Variants in CSMD1 observed in about 807,000 individuals in gnomAD.
CSMD1 encodes the protein CUB and Sushi multiple domains 1, also known as CUB and sushi domain-containing protein 1.
Under a neutral mutation model 417.5 loss-of-function variants are expected in CSMD1, and 213 were observed. That is an observed-to-expected ratio of 0.51 (90% CI 0.46 to 0.57). CSMD1 has a LOEUF of 0.57. Ranked by LOEUF, CSMD1 falls within the 20% of genes least tolerant of loss-of-function variation. CSMD1 has a pLI of 0.00. For synonymous variants in CSMD1, 2,862 were observed against 1,736.8 expected (o/e 1.65, Z -16.11); for missense variants, 6,923 against 4,529.7 (o/e 1.53, Z -15.17).
At chr8:4,026,223 CTG>C (rs1453322362) in intron 4 of CSMD1, among the ~76,000 whole-genome samples, 1 of 152,142 alleles carries the variant, frequency 6.6e-6, no homozygotes, top group African/African-American at 2.4e-5. Context: ...CCATGAGAAA[CTG>C]TGCTGCATCA....
At chr8:4,028,098 A>T (rs565982289) in intron 4 of CSMD1, among the ~76,000 whole-genome samples, 1 of 152,206 alleles carries the variant, frequency 6.6e-6, no homozygotes, top group African/African-American at 2.4e-5. Flanking sequence ...TAATAAGAAA[A>T]AAATGAAAAT....
chr8:4,857,875 A>T (rs959350753), intron 1 of CSMD1, among the ~76,000 whole-genome samples: 10 of 151,824 alleles, frequency 6.6e-5, no homozygotes, highest in Admixed American at 2.0e-4. Context: ...AACTATTCCA[A>T]TCAATAGAAA....
intron 5 of CSMD1, among the ~76,000 whole-genome samples, chr8:3,845,497 C>T (rs1456928807): frequency 6.6e-6 from 1 of 152,190 alleles, no homozygotes; most frequent in Non-Finnish European, 1.5e-5. Flanking sequence ...AATGCTACAC[C>T]TGTACAGGGT....
At chr8:4,825,583 G>T (rs969667912) in intron 1 of CSMD1, among the ~76,000 whole-genome samples, 4 of 107,926 alleles carry the variant, frequency 3.7e-5, no homozygotes, top group African/African-American at 1.4e-4. Context: ...CATACAAGTG[G>T]GATCAAAAAG....
At chr8:3,892,838 G>A (rs963582743) in intron 5 of CSMD1, among the ~76,000 whole-genome samples, 2 of 150,670 alleles carry the variant, frequency 1.3e-5, no homozygotes, top group African/African-American at 2.4e-5. Flanking sequence ...TGCAGGTTCT[G>A]AGAATGTGTT....
At chr8:4,071,670 T>C (rs1178651276) in intron 3 of CSMD1, among the ~76,000 whole-genome samples, 1 of 152,214 alleles carries the variant, frequency 6.6e-6, no homozygotes, top group Non-Finnish European at 1.5e-5. Flanking sequence ...AGTTGTTGTT[T>C]CTGGAATTGT....
intron 49 of CSMD1, 90 bp from the exon 50 acceptor site, chr8:3,052,737 A>T: frequency 3.4e-5 from 29 of 857,676 alleles, no homozygotes; most frequent in South Asian, 1.7e-4. Context: ...ATTATTATTG[A>T]CTCCATTTTT....
At chr8:4,142,223 T>G (rs1803833757) in intron 3 of CSMD1, among the ~76,000 whole-genome samples, 1 of 151,202 alleles carries the variant, frequency 6.6e-6, no homozygotes, top group Non-Finnish European at 1.5e-5. Context: ...TTTAGCCAAA[T>G]TATAGTGATA....
At chr8:3,733,047 C>T (rs1796345008) in intron 6 of CSMD1, among the ~76,000 whole-genome samples, 1 of 151,938 alleles carries the variant, frequency 6.6e-6, no homozygotes. Flanking sequence ...AATATGTCAG[C>T]CGAAGTAAAT....
At chr8:3,828,796 C>A (rs908736613) in intron 5 of CSMD1, among the ~76,000 whole-genome samples, 9 of 152,120 alleles carry the variant, frequency 5.9e-5, no homozygotes, top group African/African-American at 9.7e-5. Context: ...CCTTCCACTG[C>A]ACCTCAAGTT....
At chr8:4,148,400 G>T (rs766974291) in intron 3 of CSMD1, among the ~76,000 whole-genome samples, 1 of 151,492 alleles carries the variant, frequency 6.6e-6, no homozygotes, top group Non-Finnish European at 1.5e-5. Context: ...AATAGCATTA[G>T]GAGATATACC....
intron 3 of CSMD1, among the ~76,000 whole-genome samples, chr8:4,184,277 T>A (rs1411068749): frequency 6.6e-6 from 1 of 152,200 alleles, no homozygotes; most frequent in Non-Finnish European, 1.5e-5. Context: ...TCATTTATAA[T>A]CTAACGCTAT....
intron 5 of CSMD1, among the ~76,000 whole-genome samples, chr8:3,763,471 G>C (rs879574796): frequency 6.6e-6 from 1 of 151,950 alleles, no homozygotes; most frequent in African/African-American, 2.4e-5. Flanking sequence ...CCTCTCCTTT[G>C]CTCCCCTTCT....
intron 3 of CSMD1, among the ~76,000 whole-genome samples, chr8:4,285,882 G>A (rs140054044): frequency 1.2e-3 from 178 of 152,218 alleles, no homozygotes; most frequent in African/African-American, 4.2e-3. Flanking sequence ...TTCCAGCCTG[G>A]AAAGTAATCC....
intron 3 of CSMD1, among the ~76,000 whole-genome samples, chr8:4,315,934 A>C (rs896532473): frequency 2.0e-5 from 3 of 152,160 alleles, no homozygotes; most frequent in Non-Finnish European, 2.9e-5. Context: ...ATGAAATATA[A>C]CCTTCTCTTA....
At chr8:4,059,712 C>G (rs994769936) in intron 3 of CSMD1, among the ~76,000 whole-genome samples, 25 of 152,246 alleles carry the variant, frequency 1.6e-4, no homozygotes, top group African/African-American at 5.5e-4. Context: ...ATAATTTCCT[C>G]GACACCTACA....
chr8:4,756,232 G>A (rs73661115), intron 1 of CSMD1, among the ~76,000 whole-genome samples: 1 of 152,148 alleles, frequency 6.6e-6, no homozygotes, highest in Non-Finnish European at 1.5e-5. Flanking sequence ...GCATCATGAT[G>A]ATGAAATGGG....
At chr8:4,201,256 G>T (rs1420714463) in intron 3 of CSMD1, among the ~76,000 whole-genome samples, 1 of 152,130 alleles carries the variant, frequency 6.6e-6, no homozygotes, top group Non-Finnish European at 1.5e-5. Context: ...AAAAAATTCA[G>T]GGCCGGGCGC....
chr8:3,142,386 G>A, intron 41 of CSMD1, 79 bp downstream of exon 41: 2 of 1,243,004 alleles, frequency 1.6e-6, no homozygotes, highest in South Asian at 2.6e-5. Flanking sequence ...AACCAGTTAG[G>A]GAGATTTATA....
Sources: gnomAD v4.1 joint callset for allele counts (sites outside exome capture counted in the v4.1 genomes callset) on GRCh38, gnomAD v4.1.1 for gene constraint, MANE v1.5 for transcripts, NCBI Gene and HGNC (gene_info 2026-07-23, HGNC 2026-07-21) for gene names.